Variants in COL5A1 observed in about 807,000 individuals in gnomAD.
COL5A1 encodes collagen type V alpha 1 chain.
COL5A1 carries 16 observed loss-of-function variants against 263.7 expected under a neutral mutation model. That is an observed-to-expected ratio of 0.06 (90% CI 0.04 to 0.09). The LOEUF (loss-of-function observed/expected upper bound fraction) is 0.09. Among genes scored for constraint, COL5A1 ranks in the 10% least tolerant of loss-of-function variants. The pLI is 1.00. For synonymous variants in COL5A1, 1,012 were observed against 1,004.5 expected, an observed-to-expected ratio of 1.01 and a Z score of -0.14; for missense variants, 2,036 against 2,540.5, an observed-to-expected ratio of 0.80 and a Z score of 4.27.
chr9:134,761,456 ACAGC>A (rs1375147861), intron 18 of COL5A1, among the ~76,000 whole-genome samples: 1 of 152,234 alleles, frequency 6.6e-6, no homozygotes, highest in Non-Finnish European at 1.5e-5. Context: ...TGGAAACAGC[ACAGC>A]CATGAAGGCT....
intron 9 of COL5A1, among the ~76,000 whole-genome samples, chr9:134,733,007 A>G (rs1370958488): frequency 6.6e-6 from 1 of 152,132 alleles, no homozygotes; most frequent in Non-Finnish European, 1.5e-5. Context: ...AGCAGGGAGG[A>G]GCCAGCACCA....
intron 1 of COL5A1, among the ~76,000 whole-genome samples, chr9:134,688,439 C>T (rs1383902467): frequency 6.6e-6 from 1 of 152,236 alleles, no homozygotes; most frequent in African/African-American, 2.4e-5. Flanking sequence ...TTTCCACGGG[C>T]TGCATCCAGG....
At position 134,774,921 on chromosome 9, in the gene COL5A1, G is replaced by C; in HGVS notation, c.2385+9G>C. On this transcript the variant is annotated intron_variant, in intron 27 of 65. Coordinates refer to ENST00000371817, the MANE Select transcript of COL5A1 (RefSeq NM_000093.5). ...GTCCTCGAGGAGTCAAGGTGAGAGAGACTCACGCCACTCCAGGTCGTCCTG... is the reference window on the plus strand; with the variant it reads ...GTCCTCGAGGAGTCAAGGTGAGAGACACTCACGCCACTCCAGGTCGTCCTG... 2 of 1,612,906 alleles carry C rather than the reference G, an allele frequency of 1.2e-6. No individual in the cohort carries two copies. The highest frequency in any genetic ancestry group is 1.7e-6 in the Non-Finnish European group (2 of 1,179,466).
intron 1 of COL5A1, among the ~76,000 whole-genome samples, chr9:134,683,322 T>G (rs1345536601): frequency 6.6e-6 from 1 of 152,076 alleles, no homozygotes; most frequent in Non-Finnish European, 1.5e-5. Context: ...AGTGGGACTT[T>G]CCTCTTGAGC....
At chr9:134,706,494 C>T (rs66635405) in intron 4 of COL5A1, among the ~76,000 whole-genome samples, 50,575 of 151,998 alleles carry the variant, frequency 0.33, 8,645 homozygotes, top group Non-Finnish European at 0.37. Context: ...AAGGAGAAGG[C>T]GGATGGGAGA....
intron 36 of COL5A1, among the ~76,000 whole-genome samples, chr9:134,797,552 G>A (rs1036965479): frequency 2.0e-5 from 3 of 152,086 alleles, no homozygotes; most frequent in African/African-American, 7.2e-5. Context: ...GCTCGATCTC[G>A]GCTCACTGCA....
chr9:134,673,459 C>CAAAAAAA, intron 1 of COL5A1, among the ~76,000 whole-genome samples: 1 of 103,078 alleles, frequency 9.7e-6, no homozygotes, highest in Non-Finnish European at 2.1e-5. Flanking sequence ...GACTCCATCT[C>CAAAAAAA]AAAAAAAAAA....
chr9:134,740,088 C>T (rs1482978023), intron 11 of COL5A1, among the ~76,000 whole-genome samples: 1 of 152,142 alleles, frequency 6.6e-6, no homozygotes, highest in Non-Finnish European at 1.5e-5. Flanking sequence ...ATGGCAAGGG[C>T]CGTGGCGGGA....
At chr9:134,840,904 G>A (rs370292409) in intron 65 of COL5A1, among the ~76,000 whole-genome samples, 5 of 152,180 alleles carry the variant, frequency 3.3e-5, no homozygotes, top group Non-Finnish European at 7.3e-5. Context: ...CTTTGGGAAC[G>A]GGAACATTAA....
At chr9:134,679,962 G>A (rs1021313164) in intron 1 of COL5A1, among the ~76,000 whole-genome samples, 3 of 152,014 alleles carry the variant, frequency 2.0e-5, no homozygotes, top group African/African-American at 4.8e-5. Flanking sequence ...AGTCCACCCC[G>A]GGAGTGGGGT....
rs373069113 is a variant in COL5A1, at chr9:134,774,880, C to T, written c.2353C>T (p.Pro785Ser). The change falls in exon 27 of 66, where the codon CCG (proline) becomes TCG (serine). Residue 785 changes from proline (P) to serine (S), a missense_variant. Pro to Ser is a moderately conservative substitution (Grantham distance 74). Transcript: ENST00000371817. ...TTAGGGTCCACCTGGCCCCCAGGGT[C>T]CGATTGGCTACCCAGGTCCTCGAGG... ...GGQGPPGPQG[P>S]IGYPGPRGVK... 1.9e-6 allele frequency: 3 copies of T among 1,613,804 alleles called. No individual in the cohort carries two copies. Among genetic ancestry groups the T allele is most frequent in the Non-Finnish European group, 2.5e-6 (3 of 1,179,938 alleles).
chr9:134,739,126 C>G (rs1835211137), intron 11 of COL5A1, among the ~76,000 whole-genome samples: 1 of 152,224 alleles, frequency 6.6e-6, no homozygotes, highest in Non-Finnish European at 1.5e-5. Context: ...GCTCCGGGGC[C>G]TTTCCCACTC....
chr9:134,740,200 G>A (rs1362071857), intron 11 of COL5A1, among the ~76,000 whole-genome samples: 1 of 151,956 alleles, frequency 6.6e-6, no homozygotes, highest in East Asian at 1.9e-4. Flanking sequence ...AGGCAACAGC[G>A]AGTGGCCGCT....
chr9:134,734,807 A>C (rs1835039406), intron 9 of COL5A1, among the ~76,000 whole-genome samples: 1 of 152,204 alleles, frequency 6.6e-6, no homozygotes, highest in Non-Finnish European at 1.5e-5. Context: ...TCTCCACTTG[A>C]CACTGTTTTT....
intron 4 of COL5A1, among the ~76,000 whole-genome samples, chr9:134,706,645 A>G (rs1371822793): frequency 6.6e-6 from 1 of 152,224 alleles, no homozygotes; most frequent in Non-Finnish European, 1.5e-5. Context: ...GACCTCGGAA[A>G]TCATGACACA....
chr9:134,809,017 A>G, intron 42 of COL5A1, 166 bp from the exon 43 acceptor site: 1 of 689,150 alleles, frequency 1.5e-6, no homozygotes, highest in East Asian at 2.7e-5. Flanking sequence ...GCGGGCTCAG[A>G]GTCGGCCCTC....
At chr9:134,825,723 G>A (rs2132887353) in intron 62 of COL5A1, 69 bp from the exon 63 acceptor site, 3 of 1,012,040 alleles carry the variant, frequency 3.0e-6, no homozygotes, top group Non-Finnish European at 4.7e-6. Flanking sequence ...TGTCACAGCG[G>A]CTTCCGGAAC....
chr9:134,743,328 A>T (rs918077099), intron 11 of COL5A1, among the ~76,000 whole-genome samples: 1 of 152,232 alleles, frequency 6.6e-6, no homozygotes, highest in Non-Finnish European at 1.5e-5. Flanking sequence ...AAGCTTGCTT[A>T]CCGTCTAATT....
intron 4 of COL5A1, among the ~76,000 whole-genome samples, chr9:134,701,545 C>T (rs1306576146): frequency 6.6e-6 from 1 of 152,214 alleles, no homozygotes; most frequent in African/African-American, 2.4e-5. Context: ...CGCCTGTAGG[C>T]CGCGTGGGGA....
Sources: allele counts gnomAD v4.1 joint callset (sites outside exome capture counted in the v4.1 genomes callset), GRCh38; gene constraint gnomAD v4.1.1; transcripts MANE v1.5; gene names NCBI Gene and HGNC (gene_info 2026-07-23, HGNC 2026-07-21).